The following INPP4B variants were observed in gnomAD, a reference collection of about 807,000 sequenced individuals.
INPP4B encodes inositol polyphosphate-4-phosphatase type II B, also known as inositol polyphosphate 4-phosphatase type II.
In INPP4B, 55 loss-of-function variants were observed where a neutral mutation model predicts 122.5. The observed-to-expected ratio is 0.45, with a 90% CI of 0.36 to 0.56. The LOEUF (loss-of-function observed/expected upper bound fraction) is 0.56, where lower values mean the gene tolerates loss of function less well. Ranked by LOEUF, INPP4B falls within the 20% of genes least tolerant of loss-of-function variation. The pLI, the probability that INPP4B is intolerant of heterozygous loss-of-function variation, is 0.00. For missense variants in INPP4B, 1,000 were observed against 1,097.7 expected (o/e 0.91, Z 1.26); for synonymous variants, 403 against 388.7 (o/e 1.04, Z -0.43).
chr4:142,519,813 T>C (rs1018705819), intron 2 of INPP4B, among the ~76,000 whole-genome samples: 45 of 152,216 alleles, frequency 3.0e-4, no homozygotes, highest in African/African-American at 1.0e-3. Flanking sequence ...TTTGAGAAGA[T>C]AAACATTTAC....
intron 1 of INPP4B, among the ~76,000 whole-genome samples, chr4:142,732,130 T>G (rs560039039): frequency 1.3e-5 from 2 of 152,306 alleles, no homozygotes; most frequent in African/African-American, 4.8e-5. Flanking sequence ...CTTAAACTTA[T>G]GTAGTACAGT....
At chr4:142,592,306 G>C (rs904386102) in intron 2 of INPP4B, among the ~76,000 whole-genome samples, 3 of 152,030 alleles carry the variant, frequency 2.0e-5, no homozygotes, top group Non-Finnish European at 4.4e-5. Flanking sequence ...TTCTCCAAAG[G>C]CTTCCTAATA....
chr4:142,203,075 T>C (rs911128885), intron 14 of INPP4B, among the ~76,000 whole-genome samples: 13 of 152,144 alleles, frequency 8.5e-5, no homozygotes, highest in African/African-American at 2.9e-4. Context: ...ACTCCATTGA[T>C]TCAGCTTGGG....
chr4:142,233,622 TAAA>T (rs1855414615), intron 12 of INPP4B, among the ~76,000 whole-genome samples: 1 of 152,102 alleles, frequency 6.6e-6, no homozygotes, highest in Non-Finnish European at 1.5e-5. Flanking sequence ...TTGGTACAAA[TAAA>T]ACACTTTCTG....
At chr4:142,641,278 T>C (rs1750361510) in intron 2 of INPP4B, among the ~76,000 whole-genome samples, 1 of 152,146 alleles carries the variant, frequency 6.6e-6, no homozygotes, top group South Asian at 2.1e-4. Context: ...ATTTTATATA[T>C]ATTTATTATA....
chr4:142,732,633 T>C (rs1361087688), intron 1 of INPP4B, among the ~76,000 whole-genome samples: 1 of 151,172 alleles, frequency 6.6e-6, no homozygotes, highest in Admixed American at 6.6e-5. Flanking sequence ...CAAAAGATGT[T>C]CGTGATATCT....
intron 2 of INPP4B, among the ~76,000 whole-genome samples, chr4:142,501,655 CAATT>C (rs1241226153): frequency 6.6e-6 from 1 of 151,526 alleles, no homozygotes; most frequent in African/African-American, 2.4e-5. Flanking sequence ...GGCAAAGTGA[CAATT>C]AAATAATAGA....
intron 11 of INPP4B, among the ~76,000 whole-genome samples, chr4:142,253,405 C>T (rs1733545728): frequency 6.6e-6 from 1 of 152,212 alleles, no homozygotes; most frequent in African/African-American, 2.4e-5. Context: ...GTGAGCGATG[C>T]AGAAGACAGG....
At chr4:142,289,997 C>A (rs138878372) in intron 9 of INPP4B, among the ~76,000 whole-genome samples, 1 of 152,050 alleles carries the variant, frequency 6.6e-6, no homozygotes, top group East Asian at 1.9e-4. Flanking sequence ...ACAGAGTCCT[C>A]CTGACTGGTC....
chr4:142,809,140 T>C (rs1029311453), intron 1 of INPP4B, among the ~76,000 whole-genome samples: 1 of 152,086 alleles, frequency 6.6e-6, no homozygotes, highest in Non-Finnish European at 1.5e-5. Context: ...AATTTTAATG[T>C]TAAAAAAGCA....
At chr4:142,597,817 G>A (rs894225660) in intron 2 of INPP4B, among the ~76,000 whole-genome samples, 15 of 152,008 alleles carry the variant, frequency 9.9e-5, no homozygotes, top group African/African-American at 3.6e-4. Context: ...CTCCAAGCTG[G>A]GAGCTAATTC....
intron 2 of INPP4B, among the ~76,000 whole-genome samples, chr4:142,627,201 G>A (rs993530215): frequency 2.6e-5 from 4 of 152,050 alleles, no homozygotes; most frequent in Non-Finnish European, 5.9e-5. Context: ...TCTACAAACA[G>A]GGACAATTTG....
chr4:142,542,122 TC>T (rs917386147), intron 2 of INPP4B, among the ~76,000 whole-genome samples: 3 of 152,172 alleles, frequency 2.0e-5, no homozygotes, highest in African/African-American at 7.2e-5. Flanking sequence ...ACCATGGCTG[TC>T]CCTCTCCAAA....
chr4:142,423,432 G>T (rs1233261845), intron 5 of INPP4B, among the ~76,000 whole-genome samples: 1 of 151,696 alleles, frequency 6.6e-6, no homozygotes, highest in East Asian at 1.9e-4. Flanking sequence ...CCCCTAAATG[G>T]GCTACTAAAA....
intron 5 of INPP4B, among the ~76,000 whole-genome samples, chr4:142,428,876 C>T (rs745708654): frequency 6.6e-6 from 1 of 151,906 alleles, no homozygotes; most frequent in Non-Finnish European, 1.5e-5. Flanking sequence ...TGCAGGAATG[C>T]TGGTTAGCAA....
intron 15 of INPP4B, among the ~76,000 whole-genome samples, chr4:142,191,182 T>C (rs1014540294): frequency 6.6e-6 from 1 of 152,094 alleles, no homozygotes; most frequent in Admixed American, 6.5e-5. Context: ...AGGAGGTATA[T>C]TGGTTAGGGG....
chr4:142,574,915 T>C (rs1160800730), intron 2 of INPP4B, among the ~76,000 whole-genome samples: 1 of 152,006 alleles, frequency 6.6e-6, no homozygotes, highest in Non-Finnish European at 1.5e-5. Context: ...AGCATGTTTG[T>C]TATGTGACTG....
intron 25 of INPP4B, among the ~76,000 whole-genome samples, chr4:142,064,328 G>C (rs1762439476): frequency 6.6e-6 from 1 of 152,148 alleles, no homozygotes; most frequent in South Asian, 2.1e-4. Flanking sequence ...AGGAAAAAAA[G>C]ATGAAACTCA....
chr4:142,720,108 T>C (rs1253074427), intron 2 of INPP4B, among the ~76,000 whole-genome samples: 1 of 152,184 alleles, frequency 6.6e-6, no homozygotes, highest in Non-Finnish European at 1.5e-5. Context: ...GTCATTGTCA[T>C]CTCAATGATA....
Sources: allele counts gnomAD v4.1 joint callset (sites outside exome capture counted in the v4.1 genomes callset), GRCh38; gene constraint gnomAD v4.1.1; transcripts MANE v1.5; gene names NCBI Gene and HGNC (gene_info 2026-07-23, HGNC 2026-07-21).